Variants in CREBBP observed in about 807,000 individuals in gnomAD.
The protein encoded by CREBBP is CREB binding lysine acetyltransferase.
In CREBBP, 19 loss-of-function variants were observed where a neutral mutation model predicts 265.0. The ratio of observed to expected loss-of-function variants is 0.07; its 90% CI spans 0.05 to 0.11. The LOEUF (loss-of-function observed/expected upper bound fraction) is 0.11, where lower values mean the gene tolerates loss of function less well. CREBBP is among the 10% of genes least tolerant of loss of function. The pLI, the probability that CREBBP is intolerant of heterozygous loss-of-function variation, is 1.00. For synonymous variants in CREBBP, 1,457 were observed against 1,223.7 expected, an observed-to-expected ratio of 1.19 and a Z score of -3.98; for missense variants, 2,525 against 3,219.0, an observed-to-expected ratio of 0.78 and a Z score of 5.22.
intron 1 of CREBBP, among the ~76,000 whole-genome samples, chr16:3,854,085 G>C: frequency 6.6e-6 from 1 of 152,182 alleles, no homozygotes; most frequent in Non-Finnish European, 1.5e-5. Context: ...ACACCCACAT[G>C]ATCTGAAGTG....
At chr16:3,792,693 G>C (rs138890592) in intron 4 of CREBBP, among the ~76,000 whole-genome samples, 1 of 152,240 alleles carries the variant, frequency 6.6e-6, no homozygotes, top group South Asian at 2.1e-4. Context: ...GGGGAGACCA[G>C]GGGGAGATTC....
intron 21 of CREBBP, among the ~76,000 whole-genome samples, chr16:3,748,645 T>C (rs1378722073): frequency 1.3e-5 from 2 of 152,188 alleles, no homozygotes; most frequent in African/African-American, 4.8e-5. Context: ...CAGCCCACAC[T>C]TCCCAAGTAG....
intron 5 of CREBBP, among the ~76,000 whole-genome samples, chr16:3,784,289 T>G (rs1294167313): frequency 1.3e-5 from 2 of 152,168 alleles, no homozygotes; most frequent in East Asian, 3.9e-4. Flanking sequence ...TAATTATACT[T>G]TCCATACTAT....
At chr16:3,830,696 G>A (rs1331312101) in intron 2 of CREBBP, among the ~76,000 whole-genome samples, 2 of 151,930 alleles carry the variant, frequency 1.3e-5, no homozygotes, top group African/African-American at 4.8e-5. Context: ...GTAACCAATA[G>A]AACAAAAAAA....
chr16:3,760,220 T>TA (rs2052681565), intron 16 of CREBBP, among the ~76,000 whole-genome samples: 1 of 151,442 alleles, frequency 6.6e-6, no homozygotes. Flanking sequence ...GCCTCAGGAG[T>TA]AACTGGGACT....
chr16:3,811,629 C>T (rs1400901874), intron 2 of CREBBP, among the ~76,000 whole-genome samples: 1 of 151,978 alleles, frequency 6.6e-6, no homozygotes, highest in African/African-American at 2.4e-5. Context: ...GTAGCTGGTA[C>T]TACAGGCACG....
At chr16:3,739,485 A>G (rs1229742124) in intron 25 of CREBBP, 93 bp downstream of exon 25, 4 of 1,456,942 alleles carry the variant, frequency 2.7e-6, no homozygotes, top group Non-Finnish European at 1.9e-6. Context: ...TCCCCTATGA[A>G]GGCTCACAGG....
chr16:3,826,618 A>AC (rs1295832379), intron 2 of CREBBP, among the ~76,000 whole-genome samples: 1 of 152,132 alleles, frequency 6.6e-6, no homozygotes, highest in African/African-American at 2.4e-5. Flanking sequence ...CATGAGAAAA[A>AC]CATCAGACAA....
In CREBBP at chr16:3,731,081, A is replaced by G; in HGVS notation, c.5172+111T>C. ...ACGCTGTCCTAGTTCTGGAGGAGTC[A>G]GTGCAGCCACCATCAGGTACAGACA... On this transcript the variant is annotated intron_variant, in intron 30 of 30. Transcript: ENST00000262367. The surrounding 1 kb of genome is among the most constrained non-coding windows in gnomAD (Gnocchi z 7.7). 3.6e-6 allele frequency: 4 copies of G among 1,121,742 alleles called. No homozygotes were observed. The highest frequency in any genetic ancestry group is 2.9e-4 in the Middle Eastern group (1 of 3,390). The allele number at this position is 1,121,742 out of a possible 1,614,324, so 69.5% of individuals were successfully genotyped here. A position where few individuals can be genotyped will look rare whatever the true frequency, so the allele number is the denominator to read the frequency against.
chr16:3,871,187 TCTCTCTCTCA>T (rs1188601499), intron 1 of CREBBP, among the ~76,000 whole-genome samples: 3 of 51,170 alleles, frequency 5.9e-5, no homozygotes, highest in East Asian at 1.3e-3. Context: ...TCTCTCTCTC[TCTCTCTCTCA>T]CTCACACACA....
rs2151383203 is a variant in CREBBP, at chr16:3,757,848, G to A, written c.3570C>T (p.Asp1190=). ...KLAEVFEQEI[D]PVMQSLGYCC... Reference sequence around the variant, plus strand: ...AATATCCAAGGGACTGCATGACAGGGTCAATTTCCTGCTCAAAGACCTCTG... The same window carrying A: ...AATATCCAAGGGACTGCATGACAGGATCAATTTCCTGCTCAAAGACCTCTG... The change falls in exon 18 of 31, where the codon GAC becomes GAT. Residue 1190 remains aspartate, a synonymous_variant. Transcript: ENST00000262367. The A allele has an allele frequency of 6.2e-7, 1 of 1,614,146 alleles. No individual in the cohort carries two copies. Among genetic ancestry groups the A allele is most frequent in the South Asian group, 1.1e-5 (1 of 91,086 alleles).
intron 1 of CREBBP, among the ~76,000 whole-genome samples, chr16:3,852,164 T>TG (rs1279298013): frequency 3.4e-4 from 37 of 108,144 alleles, no homozygotes; most frequent in Admixed American, 2.3e-3. Context: ...TTTGTTTTTT[T>TG]TTTTTTTTTT....
At chr16:3,808,176 A>T (rs892172303) in intron 3 of CREBBP, among the ~76,000 whole-genome samples, 2 of 150,990 alleles carry the variant, frequency 1.3e-5, no homozygotes, top group Admixed American at 1.3e-4. Context: ...AGCGGGGGAG[A>T]GAGAGAGGCA....
Position 3,778,117 on chromosome 16 carries a change from C to G in CREBBP, c.2007G>C (p.Arg669=), listed in dbSNP as rs1333127774. 6.2e-7 allele frequency: 1 copy of G among 1,613,842 alleles called. No individual in the cohort carries two copies. Among genetic ancestry groups the G allele is most frequent in the African/African-American group, 1.3e-5 (1 of 75,022 alleles). The change falls in exon 10 of 31, where the codon CGG becomes CGC. Residue 669 remains arginine (R), a synonymous_variant. Transcript: ENST00000262367. ...TGCCTTGTTTATGTAAACGCGACCT[C>G]CGTTTTTCTTCTAGTTCTTTTTGTA... ...YKIQKELEEK[R]RSRLHKQGIL... is the part of the protein sequence containing the mutation.
chr16:3,764,377 A>G (rs1480744940), intron 16 of CREBBP, among the ~76,000 whole-genome samples: 2 of 152,242 alleles, frequency 1.3e-5, no homozygotes, highest in East Asian at 3.9e-4. Flanking sequence ...CCTGGGCTCA[A>G]GCAATCTTCC....
chr16:3,793,729 G>A lies in CREBBP; in HGVS notation c.976-103C>T, dbSNP rs116970972. 7,551 of 1,354,156 alleles carry A rather than the reference G, an allele frequency of 5.6e-3. 33 individuals carry two copies. The highest frequency in any genetic ancestry group is 6.3e-3 in the Non-Finnish European group (6,220 of 986,120). 83.9% of individuals were successfully genotyped at this position (1,354,156 alleles called of 1,614,324 possible). A position where few individuals can be genotyped will look rare whatever the true frequency, so the allele number is the denominator to read the frequency against. ...AAAGCAAAAGCTGATGGATAATACC[G>A]ACCACAGAGAGAAGGCTGGTGTAGT... On this transcript the variant is annotated intron_variant, in intron 3 of 30. Coordinates refer to ENST00000262367, the MANE Select transcript of CREBBP (RefSeq NM_004380.3).
chr16:3,815,749 A>G (rs1281674080), intron 2 of CREBBP, among the ~76,000 whole-genome samples: 3 of 152,002 alleles, frequency 2.0e-5, no homozygotes, highest in African/African-American at 7.2e-5. Context: ...AATCACACCC[A>G]GGTTAAATGG....
Position 3,729,370 on chromosome 16 carries a change from G to A in CREBBP, c.5677C>T (p.Pro1893Ser), listed in dbSNP as rs1321075506. Residue 1893 changes from proline (P) to serine (S), a missense_variant, in exon 31 of 31, where the codon CCC (proline) becomes TCC (serine). By Grantham distance (74) the Pro-to-Ser change is moderately conservative. This residue lies in a region of CREBBP where 275 missense variants were observed against 276.5 expected (regional missense o/e 0.99). Transcript: ENST00000262367. ...PSPTSAPPGT[P>S]TQQPSTPQTP... ...TGGGGTGTGCTGGGCTGCTGTGTGG[G>A]GGTCCCGGGCGGTGCTGAGGTAGGA... is the stretch of plus-strand genomic sequence containing the variant. 1.9e-6 allele frequency: 3 copies of A among 1,608,050 alleles called. No homozygotes were observed. Among genetic ancestry groups the A allele is most frequent in the African/African-American group, 1.3e-5 (1 of 74,880 alleles).
chr16:3,802,348 T>A (rs1176468509), intron 3 of CREBBP, among the ~76,000 whole-genome samples: 1 of 151,924 alleles, frequency 6.6e-6, no homozygotes, highest in Non-Finnish European at 1.5e-5. Context: ...GCCAGACTGG[T>A]CTCAAACTCC....
Sources: allele counts gnomAD v4.1 joint callset (sites outside exome capture counted in the v4.1 genomes callset), GRCh38; gene constraint gnomAD v4.1.1; regional missense constraint gnomAD v4.1.1; non-coding constraint Gnocchi (gnomAD v3.1); transcripts MANE v1.5; gene names NCBI Gene and HGNC (gene_info 2026-07-23, HGNC 2026-07-21).